The following RTN3 variants were observed in gnomAD, a reference collection of about 807,000 sequenced individuals.
RTN3 encodes reticulon-3.
Under a neutral mutation model 77.8 loss-of-function variants are expected in RTN3, and 49 were observed. The ratio of observed to expected loss-of-function variants is 0.63; its 90% confidence interval spans 0.50 to 0.80. The LOEUF (loss-of-function observed/expected upper bound fraction) is 0.80, where lower values mean the gene tolerates loss of function less well. Among genes scored for constraint, RTN3 ranks in the 30% least tolerant of loss-of-function variants. The pLI is 0.00. For synonymous variants in RTN3, 464 were observed against 446.9 expected, an observed-to-expected ratio of 1.04 and a Z score of -0.48; for missense variants, 1,236 against 1,211.9, an observed-to-expected ratio of 1.02 and a Z score of -0.29.
intron 1 of RTN3, among the ~76,000 whole-genome samples, chr11:63,683,600 G>C (rs2134594367): frequency 6.6e-6 from 1 of 152,316 alleles, no homozygotes; most frequent in East Asian, 1.9e-4. Context: ...AACTGGCCTA[G>C]TAGGCCAATG....
chr11:63,709,584 TA>T (rs35947507), intron 2 of RTN3, among the ~76,000 whole-genome samples: 21,063 of 148,430 alleles, frequency 0.14, 1,574 homozygotes, highest in African/African-American at 0.18. Context: ...AGCCTTTTTT[TA>T]AAAAAAAAAA....
intron 2 of RTN3, among the ~76,000 whole-genome samples, chr11:63,706,268 C>T (rs1237022877): frequency 6.6e-6 from 1 of 152,158 alleles, no homozygotes; most frequent in Non-Finnish European, 1.5e-5. Context: ...TAGTTCACTG[C>T]AGCCTCAATC....
intron 3 of RTN3, among the ~76,000 whole-genome samples, chr11:63,727,497 T>G (rs547357907): frequency 2.0e-5 from 3 of 152,128 alleles, no homozygotes; most frequent in Non-Finnish European, 4.4e-5. Context: ...CAGGTGGGGA[T>G]TCTAGAACTG....
intron 2 of RTN3, chr11:63,714,045 G>C: frequency 3.9e-6 from 2 of 518,416 alleles, no homozygotes; most frequent in Non-Finnish European, 7.7e-6. Context: ...TATCGGAGCT[G>C]TTCTAAAAGG....
intron 3 of RTN3, 116 bp downstream of exon 3, chr11:63,721,148 C>T (rs2011762784): frequency 2.3e-6 from 2 of 878,500 alleles, no homozygotes; most frequent in South Asian, 4.1e-5. Flanking sequence ...AATACAAAAA[C>T]AATATGCTGT....
intron 2 of RTN3, chr11:63,714,122 C>G (rs1485062705): frequency 2.8e-5 from 13 of 465,056 alleles, no homozygotes; most frequent in Admixed American, 2.8e-4. Context: ...TACTTCCAGC[C>G]CAATTTTTCC....
intron 1 of RTN3, among the ~76,000 whole-genome samples, chr11:63,691,164 A>G (rs1941637296): frequency 8.0e-6 from 1 of 124,332 alleles, no homozygotes; most frequent in African/African-American, 3.2e-5. Context: ...TCTGTCACCC[A>G]GGGTGGAGTG....
chr11:63,734,016 C>G (rs558656886), intron 3 of RTN3, among the ~76,000 whole-genome samples: 13 of 152,162 alleles, frequency 8.5e-5, no homozygotes, highest in Admixed American at 4.6e-4. Context: ...AAAAAAAGTT[C>G]GATATCCTTT....
intron 4 of RTN3, chr11:63,750,474 A>G (rs986824345): frequency 2.8e-6 from 1 of 362,234 alleles, no homozygotes; most frequent in African/African-American, 2.2e-5. Flanking sequence ...TTTTTTTGAG[A>G]CGGATATTGC....
chr11:63,755,982 T>C (rs1054162910), intron 7 of RTN3, 130 bp from the exon 8 acceptor site: 1 of 645,664 alleles, frequency 1.5e-6, no homozygotes, highest in Non-Finnish European at 2.8e-6. Flanking sequence ...TTTTAAAAAC[T>C]GGGTGTTTTC....
chr11:63,719,994 G>T lies in RTN3; in HGVS notation c.1492G>T (p.Gly498Cys). 6.2e-7 allele frequency: 1 copy of T among 1,614,106 alleles called. No homozygotes were observed. The highest frequency in any genetic ancestry group is 8.5e-7 in the Non-Finnish European group (1 of 1,180,022). The stretch of plus-strand genomic sequence containing the variant: ...AGAAATCACAGAAGCTGATAGTTCT[G>T]GTGAGTCTGATGACACAGTAATAGA... Reference protein sequence around the residue: ...LGEITEADSSGESDDTVIEDI... With the variant: ...LGEITEADSSCESDDTVIEDI... Residue 498 changes from glycine to cysteine, a missense_variant, in exon 3 of 9, where the codon GGT becomes TGT. Gly to Cys is a radical substitution (Grantham distance 159). Around this residue, in one of 3 missense-constraint regions of RTN3, gnomAD observed 1,056 missense variants for 990.4 expected, o/e 1.07. Coordinates refer to ENST00000377819, the MANE Select transcript of RTN3 (RefSeq NM_001265589.2).
intron 2 of RTN3, among the ~76,000 whole-genome samples, chr11:63,707,618 G>C (rs1942561540): frequency 6.6e-6 from 1 of 152,086 alleles, no homozygotes; most frequent in Non-Finnish European, 1.5e-5. Context: ...CGGATCACCT[G>C]ACGTCAGGAG....
chr11:63,750,826 GGTTCAT>G (rs2014064010), intron 4 of RTN3, among the ~76,000 whole-genome samples: 1 of 151,878 alleles, frequency 6.6e-6, no homozygotes, highest in South Asian at 2.1e-4. Context: ...CCTCCTCCTG[GGTTCAT>G]GCCATTCTCC....
At chr11:63,714,582 G>A (rs1483788926) in intron 2 of RTN3, 1 of 149,844 alleles carries the variant, frequency 6.7e-6, no homozygotes, top group Non-Finnish European at 1.5e-5. Flanking sequence ...GCATGACCAT[G>A]GCTCACTGCA....
At chr11:63,700,282 C>CTTT (rs753369954) in intron 1 of RTN3, among the ~76,000 whole-genome samples, 5 of 133,444 alleles carry the variant, frequency 3.7e-5, no homozygotes, top group Admixed American at 3.2e-4. Flanking sequence ...GATTCTTTTA[C>CTTT]TTTTTTTTTT....
At chr11:63,738,372 A>T (rs2013266881) in intron 3 of RTN3, among the ~76,000 whole-genome samples, 1 of 152,084 alleles carries the variant, frequency 6.6e-6, no homozygotes, top group Non-Finnish European at 1.5e-5. Context: ...GGGTTCAGTG[A>T]TTCACGCCTG....
intron 2 of RTN3, 121 bp from the exon 3 acceptor site, chr11:63,718,581 C>T (rs1248915224): frequency 1.8e-5 from 11 of 612,470 alleles, no homozygotes; most frequent in Non-Finnish European, 2.9e-5. Flanking sequence ...ATATATACAT[C>T]CTGTGTGTGT....
chr11:63,716,692 G>A (rs536533191), intron 2 of RTN3, among the ~76,000 whole-genome samples: 6 of 152,328 alleles, frequency 3.9e-5, no homozygotes, highest in South Asian at 2.1e-4. Context: ...CAGGCCAGGC[G>A]CGGTGGCTCA....
chr11:63,733,141 C>A (rs531690692), intron 3 of RTN3, among the ~76,000 whole-genome samples: 1 of 151,102 alleles, frequency 6.6e-6, no homozygotes, highest in African/African-American at 2.4e-5. Flanking sequence ...ATGGTGAAAC[C>A]CTATCTCTAC....
Sources: gnomAD v4.1 joint callset for allele counts (sites outside exome capture counted in the v4.1 genomes callset) on GRCh38, gnomAD v4.1.1 for gene constraint, gnomAD v4.1.1 regional missense constraint, MANE v1.5 for transcripts, NCBI Gene and HGNC (gene_info 2026-07-23, HGNC 2026-07-21) for gene names.